FBXL7: variants seen among roughly 807,000 people sequenced by gnomAD.
The protein encoded by FBXL7 is F-box/LRR-repeat protein 7.
Under a neutral mutation model 38.3 loss-of-function variants are expected in FBXL7, and 12 were observed. That is an observed-to-expected ratio of 0.31 (90% CI 0.20 to 0.51). The LOEUF (loss-of-function observed/expected upper bound fraction) is 0.51, where lower values mean the gene tolerates loss of function less well. Among genes scored for constraint, FBXL7 ranks in the 20% least tolerant of loss-of-function variants. The pLI is 0.98. For synonymous variants in FBXL7, 297 were observed against 300.9 expected, an observed-to-expected ratio of 0.99 and a Z score of 0.13; for missense variants, 567 against 676.4, an observed-to-expected ratio of 0.84 and a Z score of 1.79.
At chr5:15,731,901 T>G (rs901311508) in intron 2 of FBXL7, among the ~76,000 whole-genome samples, 25 of 152,082 alleles carry the variant, frequency 1.6e-4, no homozygotes, top group African/African-American at 6.0e-4. Flanking sequence ...TCCTGAGTGG[T>G]GCTGTGAGGT....
chr5:15,511,588 C>T (rs1011289290), intron 1 of FBXL7, among the ~76,000 whole-genome samples: 2 of 152,218 alleles, frequency 1.3e-5, no homozygotes, highest in Middle Eastern at 3.2e-3. Context: ...AGAATTTGCC[C>T]TTCTTTCTCA....
chr5:15,868,076 C>T (rs986391639), intron 2 of FBXL7, among the ~76,000 whole-genome samples: 4 of 138,492 alleles, frequency 2.9e-5, no homozygotes, highest in African/African-American at 8.3e-5. Context: ...TGTACTCCAG[C>T]GTGGCGACAG....
At chr5:15,883,062 T>C (rs181336420) in intron 2 of FBXL7, among the ~76,000 whole-genome samples, 39 of 152,264 alleles carry the variant, frequency 2.6e-4, no homozygotes, top group African/African-American at 8.9e-4. Flanking sequence ...GGCAGCCAAC[T>C]CCCAACTGTT....
At chr5:15,767,507 G>A (rs1432929623) in intron 2 of FBXL7, among the ~76,000 whole-genome samples, 1 of 152,142 alleles carries the variant, frequency 6.6e-6, no homozygotes, top group Non-Finnish European at 1.5e-5. Context: ...TACTTAGTGT[G>A]TACATCTTGA....
At chr5:15,500,978 C>T (rs1736471872) in intron 1 of FBXL7, among the ~76,000 whole-genome samples, 1 of 152,214 alleles carries the variant, frequency 6.6e-6, no homozygotes, top group Non-Finnish European at 1.5e-5. Context: ...TGCTGTGTTT[C>T]TGAGCACATA....
At chr5:15,845,785 C>T (rs1202866992) in intron 2 of FBXL7, among the ~76,000 whole-genome samples, 1 of 152,090 alleles carries the variant, frequency 6.6e-6, no homozygotes. Context: ...TCCTGGCTAA[C>T]ACGGTGAAAC....
chr5:15,811,724 A>T (rs977264087), intron 2 of FBXL7, among the ~76,000 whole-genome samples: 8 of 152,118 alleles, frequency 5.3e-5, no homozygotes, highest in Non-Finnish European at 4.4e-5. Context: ...ATGGCCAAAA[A>T]ACTTGAAAAA....
At chr5:15,510,045 G>T (rs1187303813) in intron 1 of FBXL7, among the ~76,000 whole-genome samples, 1 of 152,116 alleles carries the variant, frequency 6.6e-6, no homozygotes, top group Non-Finnish European at 1.5e-5. Flanking sequence ...ACTGTTTCTG[G>T]AACTGCAAAT....
intron 2 of FBXL7, among the ~76,000 whole-genome samples, chr5:15,655,493 CAAA>C (rs58395302): frequency 6.9e-5 from 9 of 130,296 alleles, no homozygotes; most frequent in Non-Finnish European, 6.6e-5. Context: ...GACTCTGTCT[CAAA>C]AAAAAAAAAA....
chr5:15,789,859 A>G (rs1737228366), intron 2 of FBXL7, among the ~76,000 whole-genome samples: 1 of 151,684 alleles, frequency 6.6e-6, no homozygotes, highest in Non-Finnish European at 1.5e-5. Flanking sequence ...TGGGCTGATG[A>G]CTCACCTCTC....
chr5:15,539,387 T>A (rs1310485255), intron 1 of FBXL7, among the ~76,000 whole-genome samples: 3 of 152,314 alleles, frequency 2.0e-5, no homozygotes, highest in African/African-American at 7.2e-5. Flanking sequence ...ATCTTAGATT[T>A]CACACAAGGG....
intron 2 of FBXL7, among the ~76,000 whole-genome samples, chr5:15,635,599 C>T (rs892795562): frequency 5.9e-5 from 9 of 152,130 alleles, no homozygotes; most frequent in African/African-American, 2.2e-4. Flanking sequence ...GAAGAGGGAG[C>T]AATATAGGGG....
At chr5:15,888,591 G>T (rs1395628016) in intron 2 of FBXL7, among the ~76,000 whole-genome samples, 7 of 151,948 alleles carry the variant, frequency 4.6e-5, no homozygotes, top group Admixed American at 3.9e-4. Context: ...TTTAATTTTT[G>T]TAAAGTGATT....
At chr5:15,589,583 G>A (rs1312715690) in intron 1 of FBXL7, among the ~76,000 whole-genome samples, 5 of 152,132 alleles carry the variant, frequency 3.3e-5, no homozygotes, top group African/African-American at 1.2e-4. Flanking sequence ...TTTCTTTATA[G>A]TAGTGCGAGA....
At chr5:15,553,544 T>C (rs1738147032) in intron 1 of FBXL7, among the ~76,000 whole-genome samples, 1 of 152,230 alleles carries the variant, frequency 6.6e-6, no homozygotes, top group Admixed American at 6.5e-5. Context: ...TAACCAGTGT[T>C]TTCCTACTAT....
rs79177779 is a variant in FBXL7, at chr5:15,841,448, G to A, written c.128-86442G>A. Reference sequence around the variant, plus strand: ...TAAATAGAAAAAAATGAATTTTGTTGAATCTTTCAGCAGAATCCAGAAAGA... The same window carrying A: ...TAAATAGAAAAAAATGAATTTTGTTAAATCTTTCAGCAGAATCCAGAAAGA... On this transcript the variant is annotated intron_variant, in intron 2 of 3. Coordinates refer to ENST00000504595, the MANE Select transcript of FBXL7 (RefSeq NM_012304.5). Among the ~76,000 whole-genome samples, 737 of 151,964 alleles carry A rather than the reference G, an allele frequency of 4.8e-3. 5 individuals carry two copies. The highest frequency in any genetic ancestry group is 0.016 in the African/African-American group (674 of 41,468).
intron 2 of FBXL7, among the ~76,000 whole-genome samples, chr5:15,735,418 A>G (rs4296803): frequency 0.054 from 8,215 of 152,276 alleles, 238 homozygotes; most frequent in East Asian, 0.085. Context: ...CTTCCAGCCA[A>G]TTGCTTCTAG....
intron 2 of FBXL7, among the ~76,000 whole-genome samples, chr5:15,731,330 A>G (rs1337994541): frequency 2.0e-5 from 3 of 152,200 alleles, no homozygotes; most frequent in Admixed American, 6.5e-5. Context: ...CATAAGTCAC[A>G]TCTTACATGG....
chr5:15,872,405 A>G (rs773843682), intron 2 of FBXL7, among the ~76,000 whole-genome samples: 6 of 151,174 alleles, frequency 4.0e-5, no homozygotes, highest in Non-Finnish European at 7.4e-5. Flanking sequence ...TCAAGTTCAC[A>G]CATAACAATA....
Sources: allele counts gnomAD v4.1 joint callset (sites outside exome capture counted in the v4.1 genomes callset), GRCh38; gene constraint gnomAD v4.1.1; transcripts MANE v1.5; gene names NCBI Gene and HGNC (gene_info 2026-07-23, HGNC 2026-07-21).